The following STARD13 variants were observed in gnomAD, a reference collection of about 807,000 sequenced individuals.
STARD13 encodes the protein stAR-related lipid transfer protein 13.
STARD13 carries 62 observed loss-of-function variants against 106.4 expected under a neutral mutation model. That is an observed-to-expected ratio of 0.58 (90% CI 0.48 to 0.72). The LOEUF is 0.72. Among genes scored for constraint, STARD13 ranks in the 30% least tolerant of loss-of-function variants. The pLI, the probability that STARD13 is intolerant of heterozygous loss-of-function variation, is 0.00. For synonymous variants in STARD13, 565 were observed against 553.0 expected, an observed-to-expected ratio of 1.02 and a Z score of -0.31; for missense variants, 1,387 against 1,424.0, an observed-to-expected ratio of 0.97 and a Z score of 0.42.
chr13:33,167,944 G>T (rs1370316852), intron 1 of STARD13, among the ~76,000 whole-genome samples: 8 of 151,364 alleles, frequency 5.3e-5, no homozygotes, highest in Non-Finnish European at 7.4e-5. Context: ...GGGAACCAGG[G>T]CACTAGGGGA....
At chr13:33,382,923 A>G in the STARD13 span, among the ~76,000 whole-genome samples, 3 of 152,226 alleles carry the variant, frequency 2.0e-5, no homozygotes, top group Admixed American at 1.3e-4. Flanking sequence ...CTTTAGTATC[A>G]TTCCATGATA....
chr13:33,132,704 A>G (rs1469497318), intron 4 of STARD13, among the ~76,000 whole-genome samples: 1 of 152,224 alleles, frequency 6.6e-6, no homozygotes, highest in African/African-American at 2.4e-5. Context: ...GGAAACAAAA[A>G]GAAACAAAAA....
At chr13:33,339,332 C>A (rs954060627) in intron 1 of STARD13, among the ~76,000 whole-genome samples, 1 of 152,106 alleles carries the variant, frequency 6.6e-6, no homozygotes, top group African/African-American at 2.4e-5. Flanking sequence ...GCCCTAATAC[C>A]ACCAACGCTA....
At chr13:33,182,600 A>C (rs1298628885) in intron 1 of STARD13, among the ~76,000 whole-genome samples, 1 of 152,218 alleles carries the variant, frequency 6.6e-6, no homozygotes, top group East Asian at 1.9e-4. Context: ...GCTAAAAAAA[A>C]AATTACAAAA....
At chr13:33,638,929 A>G in the STARD13 span, among the ~76,000 whole-genome samples, 2 of 152,072 alleles carry the variant, frequency 1.3e-5, no homozygotes, top group African/African-American at 2.4e-5. Flanking sequence ...ATTCACTTAC[A>G]TACTTTTTTT....
chr13:33,181,267 T>TACACACAC (rs67752465), intron 1 of STARD13, among the ~76,000 whole-genome samples: 3,126 of 142,356 alleles, frequency 0.022, 106 homozygotes, highest in African/African-American at 0.071. Flanking sequence ...CACTCACACA[T>TACACACAC]ACATACACAC....
At chr13:33,310,702 A>G (rs2138497914) in intron 1 of STARD13, among the ~76,000 whole-genome samples, 2 of 152,270 alleles carry the variant, frequency 1.3e-5, no homozygotes, top group South Asian at 4.2e-4. Flanking sequence ...ATTGTGTATA[A>G]TACTTCTCAG....
intron 1 of STARD13, among the ~76,000 whole-genome samples, chr13:33,320,930 A>AT (rs1380587121): frequency 6.6e-6 from 1 of 152,226 alleles, no homozygotes; most frequent in Non-Finnish European, 1.5e-5. Context: ...TTCTTTCACT[A>AT]TTAACATATC....
chr13:33,228,314 A>G (rs1888724974), intron 1 of STARD13, among the ~76,000 whole-genome samples: 1 of 151,938 alleles, frequency 6.6e-6, no homozygotes, highest in South Asian at 2.1e-4. Flanking sequence ...ATTATTTTCA[A>G]CTCTTTTGAG....
the STARD13 span, among the ~76,000 whole-genome samples, chr13:33,460,201 G>C: frequency 6.6e-6 from 1 of 151,990 alleles, no homozygotes; most frequent in Non-Finnish European, 1.5e-5. Context: ...TAAAAAGAAA[G>C]ATTGGGCCGG....
intron 1 of STARD13, among the ~76,000 whole-genome samples, chr13:33,296,337 A>C (rs538962964): frequency 6.6e-6 from 1 of 152,284 alleles, no homozygotes; most frequent in South Asian, 2.1e-4. Context: ...CTCTATCTCA[A>C]ATCATCTTGC....
intron 1 of STARD13, among the ~76,000 whole-genome samples, chr13:33,333,354 C>T (rs1307492576): frequency 7.9e-5 from 12 of 152,156 alleles, no homozygotes; most frequent in Admixed American, 7.9e-4. Context: ...TGCCACTGCA[C>T]TCCAGCTTGG....
intron 1 of STARD13, among the ~76,000 whole-genome samples, chr13:33,232,659 T>C (rs1368896364): frequency 6.6e-6 from 1 of 152,266 alleles, no homozygotes; most frequent in Non-Finnish European, 1.5e-5. Flanking sequence ...AATTGTCCCA[T>C]AGAAATGATA....
At chr13:33,487,347 C>A in the STARD13 span, among the ~76,000 whole-genome samples, 2 of 152,014 alleles carry the variant, frequency 1.3e-5, no homozygotes, top group Non-Finnish European at 2.9e-5. Context: ...TCTAGTTAGT[C>A]CAGTTTTCAC....
At chr13:33,243,427 G>GAGGT (rs1889644884) in intron 1 of STARD13, among the ~76,000 whole-genome samples, 1 of 152,186 alleles carries the variant, frequency 6.6e-6, no homozygotes, top group Admixed American at 6.5e-5. Flanking sequence ...TCAGGGTGAA[G>GAGGT]AGTACCTGGG....
intron 1 of STARD13, among the ~76,000 whole-genome samples, chr13:33,187,893 A>G (rs1398251173): frequency 1.3e-5 from 2 of 152,162 alleles, no homozygotes; most frequent in Non-Finnish European, 2.9e-5. Context: ...TATGTTGGCT[A>G]GCCTGGTCTC....
the STARD13 span, among the ~76,000 whole-genome samples, chr13:33,544,738 G>T: frequency 6.6e-6 from 1 of 150,580 alleles, no homozygotes; most frequent in Non-Finnish European, 1.5e-5. Context: ...TCAGGGAAAG[G>T]TGCATGGTTT....
chr13:33,238,977 T>C (rs1458077577), intron 1 of STARD13, among the ~76,000 whole-genome samples: 1 of 152,074 alleles, frequency 6.6e-6, no homozygotes, highest in Non-Finnish European at 1.5e-5. Flanking sequence ...CTCCACATCT[T>C]TTTCATCTTG....
chr13:33,564,206 C>CA, the STARD13 span, among the ~76,000 whole-genome samples: 1,943 of 53,202 alleles, frequency 0.037, 83 homozygotes, highest in African/African-American at 0.079. Context: ...GACTGTATCT[C>CA]AAAAAAAAAA....
Sources: gnomAD v4.1 joint callset for allele counts (sites outside exome capture counted in the v4.1 genomes callset) on GRCh38, gnomAD v4.1.1 for gene constraint, MANE v1.5 for transcripts, NCBI Gene and HGNC (gene_info 2026-07-23, HGNC 2026-07-21) for gene names.